The following GLO1 variants were observed in gnomAD, a reference collection of about 807,000 sequenced individuals.
GLO1 encodes the protein glyoxalase I, also known as lactoylglutathione lyase.
A neutral mutation model predicts 26.0 loss-of-function variants in GLO1; 28 were observed. The observed-to-expected ratio is 1.08, with a 90% confidence interval of 0.80 to 1.48. The LOEUF (loss-of-function observed/expected upper bound fraction) is 1.48. GLO1 is among the 40% of genes most tolerant of loss of function. GLO1 has a pLI of 0.00. For missense variants in GLO1, 225 were observed against 224.8 expected, an observed-to-expected ratio of 1.00 and a Z score of -0.01; for synonymous variants, 78 against 77.6, an observed-to-expected ratio of 1.00 and a Z score of -0.03.
intron 1 of GLO1, among the ~76,000 whole-genome samples, chr6:38,702,038 C>T (rs1266571175): frequency 6.6e-6 from 1 of 151,346 alleles, no homozygotes; most frequent in Non-Finnish European, 1.5e-5. Flanking sequence ...TCATGCCATT[C>T]TCCTGCCTCA....
chr6:38,679,397 A>C (rs1333708479), intron 5 of GLO1, among the ~76,000 whole-genome samples: 1 of 152,144 alleles, frequency 6.6e-6, no homozygotes, highest in Admixed American at 6.5e-5. Flanking sequence ...TGCTGGCCTC[A>C]AGTGATCCTC....
At chr6:38,702,536 C>T (rs931791791) in intron 1 of GLO1, among the ~76,000 whole-genome samples, 12 of 152,104 alleles carry the variant, frequency 7.9e-5, no homozygotes, top group Non-Finnish European at 1.2e-4. Flanking sequence ...AAACTTAGAG[C>T]GATCAAATTA....
chr6:38,696,331 G>C (rs1761610592), intron 1 of GLO1, among the ~76,000 whole-genome samples: 1 of 152,174 alleles, frequency 6.6e-6, no homozygotes, highest in Non-Finnish European at 1.5e-5. Flanking sequence ...CTTTGTAAGA[G>C]GTTACATCTT....
intron 1 of GLO1, among the ~76,000 whole-genome samples, chr6:38,693,679 C>CTATATA (rs1303486732): frequency 7.3e-4 from 70 of 96,354 alleles, no homozygotes; most frequent in African/African-American, 2.4e-3. Context: ...CTCTCTCTCT[C>CTATATA]TCTCTCTATA....
chr6:38,691,662 C>T (rs573401960), intron 1 of GLO1, among the ~76,000 whole-genome samples: 1 of 151,850 alleles, frequency 6.6e-6, no homozygotes, highest in South Asian at 2.1e-4. Context: ...TACCTGCCTA[C>T]AATACAATCC....
At chr6:38,698,682 C>T (rs1361107545) in intron 1 of GLO1, among the ~76,000 whole-genome samples, 6 of 112,022 alleles carry the variant, frequency 5.4e-5, no homozygotes, top group East Asian at 2.6e-4. Context: ...TTTTTTGAGA[C>T]GGAGTCTCTC....
At chr6:38,699,040 A>G (rs965041697) in intron 1 of GLO1, among the ~76,000 whole-genome samples, 4 of 152,130 alleles carry the variant, frequency 2.6e-5, no homozygotes, top group African/African-American at 9.7e-5. Context: ...TCTGGCCCCA[A>G]CCTACCATGT....
intron 2 of GLO1, among the ~76,000 whole-genome samples, chr6:38,686,346 T>G (rs1481785757): frequency 6.6e-6 from 1 of 151,992 alleles, no homozygotes; most frequent in Non-Finnish European, 1.5e-5. Context: ...GGGAAACAAA[T>G]CAACAATATG....
intron 1 of GLO1, among the ~76,000 whole-genome samples, chr6:38,700,803 A>G (rs926506386): frequency 1.4e-5 from 2 of 144,618 alleles, no homozygotes; most frequent in Non-Finnish European, 3.0e-5. Flanking sequence ...TTTTTTGGAC[A>G]AAGTCTCACT....
Position 38,682,829 on chromosome 6 carries a change from T to C in GLO1, c.355A>G (p.Asn119Asp). Residue 119 changes from asparagine (N) to aspartate (D), a missense_variant, in exon 4 of 6, where the codon AAT (asparagine) becomes GAT (aspartate). Transcript: ENST00000373365. ...TTACCGAATCCTCGAGGGTCTGAATTGCCATTGTGGTAACTCTGGGTCTCA... is the reference window on the plus strand; with the variant it reads ...TTACCGAATCCTCGAGGGTCTGAATCGCCATTGTGGTAACTCTGGGTCTCA... ...DDETQSYHNG[N>D]SDPRGFGHIG... is the part of the protein sequence containing the mutation. 10 of 1,603,570 alleles carry C rather than the reference T, an allele frequency of 6.2e-6. No individual in the cohort carries two copies. Among genetic ancestry groups the C allele is most frequent in the Non-Finnish European group, 8.5e-6 (10 of 1,170,354 alleles).
chr6:38,691,729 A>G (rs976426266), intron 1 of GLO1, among the ~76,000 whole-genome samples: 9 of 150,330 alleles, frequency 6.0e-5, no homozygotes, highest in Non-Finnish European at 8.8e-5. Context: ...GGCCCCTTTA[A>G]GCACCAGTAA....
At chr6:38,682,234 T>C in intron 4 of GLO1, 133 bp from the exon 5 acceptor site, 1 of 640,620 alleles carries the variant, frequency 1.6e-6, no homozygotes, top group Non-Finnish European at 2.8e-6. Context: ...CTTAGGTAGG[T>C]TCAAAATCTA....
rs1170645548 is a variant in GLO1 at position 38,693,685 on chromosome 6, CTATATATA to C, written c.85-6719_85-6712del. 7.3e-3 allele frequency among the ~76,000 whole-genome samples: 632 copies of C among 86,442 alleles called. 3 individuals are homozygous for C. Among genetic ancestry groups the C allele is most frequent in the Non-Finnish European group, 0.01 (418 of 41,134 alleles). 56.7% of individuals were successfully genotyped at this position (86,442 alleles called of 152,430 possible). A position where few individuals can be genotyped will look rare whatever the true frequency, so the allele number is the denominator to read the frequency against. ...TCTCTCTCTCTCTCTCTCTCTCTCT[CTATATATA>C]TATATATATATATTTGTTTTGTTTT... On this transcript the variant is annotated intron_variant, in intron 1 of 5. Transcript: ENST00000373365.
intron 1 of GLO1, among the ~76,000 whole-genome samples, chr6:38,698,500 CATATATTT>C (rs1761643764): frequency 6.8e-6 from 1 of 146,472 alleles, no homozygotes; most frequent in African/African-American, 2.5e-5. Context: ...TTTATATATT[CATATATTT>C]ATATATGGAA....
At chr6:38,679,297 A>T (rs960942593) in intron 5 of GLO1, among the ~76,000 whole-genome samples, 19 of 145,564 alleles carry the variant, frequency 1.3e-4, no homozygotes, top group East Asian at 2.0e-4. Flanking sequence ...CAGATAATTT[A>T]AAAAAAAACC....
At chr6:38,696,784 A>G (rs1392739592) in intron 1 of GLO1, among the ~76,000 whole-genome samples, 1 of 152,204 alleles carries the variant, frequency 6.6e-6, no homozygotes, top group Non-Finnish European at 1.5e-5. Context: ...TTCAGAAATT[A>G]AAAAATTTCT....
intron 5 of GLO1, among the ~76,000 whole-genome samples, chr6:38,679,075 G>A (rs988305709): frequency 2.0e-5 from 3 of 152,148 alleles, no homozygotes; most frequent in Admixed American, 6.5e-5. Flanking sequence ...GCAATGGACT[G>A]TAGATTCAAA....
rs781072792 is a variant in GLO1 at position 38,686,918 on chromosome 6, A to G, written c.141T>C (p.Asp47=). 1 of 1,600,388 alleles carries G rather than the reference A, an allele frequency of 6.2e-7. No homozygotes were observed. The highest frequency in any genetic ancestry group is 2.2e-5 in the East Asian group (1 of 44,802). The change falls in exon 2 of 6, where the codon GAT becomes GAC. Residue 47 remains aspartate (D), a synonymous_variant. Transcript: ENST00000373365. ...LRVKDPKKSL[D]FYTRVLGMTL... ...TCATTCCAAGAACTCTAGTATAAAAATCCAGTGACTTCTTAGGATCCTTCA... is the reference window on the plus strand; with the variant it reads ...TCATTCCAAGAACTCTAGTATAAAAGTCCAGTGACTTCTTAGGATCCTTCA...
At chr6:38,688,942 G>A (rs572786044) in intron 1 of GLO1, among the ~76,000 whole-genome samples, 17 of 152,330 alleles carry the variant, frequency 1.1e-4, no homozygotes, top group Middle Eastern at 3.4e-3. Flanking sequence ...GCGTGCGCGC[G>A]CAAAGAAAGT....
Sources: allele counts gnomAD v4.1 joint callset (sites outside exome capture counted in the v4.1 genomes callset), GRCh38; gene constraint gnomAD v4.1.1; transcripts MANE v1.5; gene names NCBI Gene and HGNC (gene_info 2026-07-23, HGNC 2026-07-21).